Variants in ACADVL observed in about 807,000 individuals in gnomAD.
ACADVL encodes very long-chain acyl-CoA dehydrogenase, mitochondrial.
Under a neutral mutation model 80.4 loss-of-function variants are expected in ACADVL, and 73 were observed. The observed-to-expected ratio is 0.91, with a 90% CI of 0.75 to 1.10. The LOEUF (loss-of-function observed/expected upper bound fraction) is 1.10. Among genes scored for constraint, ACADVL ranks in the 50% least tolerant of loss-of-function variants. ACADVL has a pLI of 0.00. For synonymous variants in ACADVL, 392 were observed against 326.5 expected (o/e 1.20, Z -2.16); for missense variants, 878 against 858.9 (o/e 1.02, Z -0.28).
rs557260142 is a variant in ACADVL, at chr17:7,220,828, G to A, written c.340G>A (p.Glu114Lys). ...GGTGGAGCCTGTGTCCCGTTTCTTC[G>A]AGGTAAGGAATGACTCGGGGCTTGG... The part of the protein sequence containing the change: ...ELVEPVSRFF[E>K]EVNDPAKNDA... The change falls in exon 5 of 20, where the codon GAG becomes AAG. Residue 114 changes from glutamate to lysine, a missense_variant and splice_region_variant. Physicochemically the swap from Glu to Lys is moderately conservative, Grantham distance 56 (BLOSUM62 1). Transcript: ENST00000356839. 30 of 1,614,070 alleles carry A rather than the reference G, an allele frequency of 1.9e-5. No individual in the cohort carries two copies. Among genetic ancestry groups the A allele is most frequent in the African/African-American group, 2.7e-5 (2 of 75,058 alleles).
chr17:7,223,004 T>G lies in ACADVL; in HGVS notation c.1078-129T>G, dbSNP rs1173262592. On this transcript the variant is annotated intron_variant, in intron 10 of 19. Transcript: ENST00000356839. ...CAGCAGCCCGACTTGCTAGCTTAGG[T>G]CTCCATCCAGCGTAGACTGAACTCT... 47 of 1,440,210 alleles carry G rather than the reference T, an allele frequency of 3.3e-5. 1 individual carries two copies. The allele number at this position is 1,440,210 out of a possible 1,614,324, so 89.2% of individuals were successfully genotyped here.
rs2142963859 is a variant in ACADVL at position 7,220,457 on chromosome 17, T to C, written c.139-7T>C. On this transcript the variant is annotated splice_region_variant and splice_polypyrimidine_tract_variant and intron_variant, in intron 2 of 19. Transcript: ENST00000356839. ...TCCCTGAACTTGCTAACCGTCTCTT[T>C]TCCCAGCTGGCTCTGGACAAGTCAG... is the stretch of plus-strand genomic sequence containing the variant. The C allele has an allele frequency of 6.2e-7, 1 of 1,614,210 alleles. No individual in the cohort carries two copies. The highest frequency in any genetic ancestry group is 8.5e-7 in the Non-Finnish European group (1 of 1,180,028).
At chr17:7,218,485 C>T (rs1199420876), upstream of ACADVL, 8 of 1,521,946 alleles carry the variant, frequency 5.3e-6, no homozygotes, top group East Asian at 4.9e-5. Context: ...AAACAGCCCC[C>T]GAAGTTCAGT....
In ACADVL at chr17:7,221,152, C is replaced by T; in HGVS notation, c.477+94C>T. ...TAGACCTAGAGACTAGGGCTAAGGT[C>T]TCTTCTAAGCACCTGCCCTGGGTGC... On this transcript the variant is annotated intron_variant, in intron 6 of 19. Coordinates refer to ENST00000356839, the MANE Select transcript of ACADVL (RefSeq NM_000018.4). 9 of 1,591,950 alleles carry T rather than the reference C, an allele frequency of 5.7e-6. No individual in the cohort carries two copies. The South Asian group carries it at 1.0e-4, about 18-fold the overall frequency.
chr17:7,218,438 G>C, upstream of ACADVL: 1 of 1,389,150 alleles, frequency 7.2e-7, no homozygotes, highest in East Asian at 2.5e-5. Flanking sequence ...GACCCTGCAT[G>C]GTGCTCCAGC....
chr17:7,218,751 ATTTGGGGAGAAGGATC>A (rs1032854460), upstream of ACADVL: 5 of 1,590,626 alleles, frequency 3.1e-6, no homozygotes, highest in Non-Finnish European at 4.3e-6. Flanking sequence ...CTACGGAAAG[ATTTGGGGAGAAGGATC>A]TCCGAGCCCC....
chr17:7,223,154 A>T lies in ACADVL; in HGVS notation c.1099A>T (p.Thr367Ser). The change falls in exon 11 of 20, where the codon ACC (threonine) becomes TCC (serine). Residue 367 changes from threonine to serine, a missense_variant. Thr to Ser is a moderately conservative substitution (Grantham distance 58). Transcript: ENST00000356839. ...AKAVDHATNRTQFGEKIHNFG... is the reference protein window; with the variant it reads ...AKAVDHATNRSQFGEKIHNFG... ...CCAGGTAGATCATGCCACTAATCGTACCCAGTTTGGGGAGAAAATTCACAA... is the reference window on the plus strand; with the variant it reads ...CCAGGTAGATCATGCCACTAATCGTTCCCAGTTTGGGGAGAAAATTCACAA... The T allele has an allele frequency of 1.2e-6, 2 of 1,613,892 alleles. No individual in the cohort carries two copies. Among genetic ancestry groups the T allele is most frequent in the Non-Finnish European group, 1.7e-6 (2 of 1,179,820 alleles).
chr17:7,221,334 C>A, intron 6 of ACADVL: 1 of 986,554 alleles, frequency 1.0e-6, no homozygotes, highest in South Asian at 1.5e-5. Flanking sequence ...ACCCTCCTAC[C>A]TAGACCTAAG....
At chr17:7,223,396 A>AG in intron 11 of ACADVL, 159 bp downstream of exon 11, 1 of 838,034 alleles carries the variant, frequency 1.2e-6, no homozygotes. Flanking sequence ...TTCTGCGAAG[A>AG]GAGACAGCAA....
At chr17:7,217,554 A>C (rs917128842), upstream of ACADVL, 24 of 111,686 alleles carry the variant, frequency 2.1e-4, no homozygotes, top group African/African-American at 3.9e-4. Context: ...GTGGCGGGGG[A>C]GTGGGGTGGG....
At position 7,220,207 on chromosome 17, in the gene ACADVL, C is replaced by T. The variant is rs1057523013; in HGVS notation, c.138+10C>T. ...CGGGGGTGCCGCTCAGGTAAGTCAC[C>T]GCAGCCTTGGCAAGGGGGTGTGGGA... On this transcript the variant is annotated intron_variant, in intron 2 of 19. Coordinates refer to ENST00000356839, the MANE Select transcript of ACADVL (RefSeq NM_000018.4). 11 of 1,530,996 alleles carry T rather than the reference C, an allele frequency of 7.2e-6. No individual in the cohort carries two copies. Among genetic ancestry groups the T allele is most frequent in the Non-Finnish European group, 8.7e-6 (10 of 1,144,734 alleles). The allele number at this position is 1,530,996 out of a possible 1,614,324, so 94.8% of individuals were successfully genotyped here.
chr17:7,217,595 C>T (rs959213426), upstream of ACADVL: 22 of 1,347,976 alleles, frequency 1.6e-5, no homozygotes, highest in African/African-American at 3.6e-5. Flanking sequence ...CCGAGGGAGC[C>T]GTGGAGCCGA....
upstream of ACADVL, chr17:7,219,171 T>C: frequency 2.5e-6 from 1 of 402,930 alleles, no homozygotes; most frequent in Non-Finnish European, 4.4e-6. Flanking sequence ...CAATGAGAAT[T>C]GCAGAAAAAG....
At chr17:7,220,314 A>G in intron 2 of ACADVL, 117 bp downstream of exon 2, 1 of 1,512,630 alleles carries the variant, frequency 6.6e-7, no homozygotes, top group African/African-American at 1.4e-5. Flanking sequence ...AGTCGCCGAA[A>G]GTAGGGGAAA....
chr17:7,220,748 G>T lies in ACADVL; in HGVS notation c.278-18G>T, dbSNP rs779087862. 14 of 1,614,192 alleles carry T rather than the reference G, an allele frequency of 8.7e-6. No homozygotes were observed. Among genetic ancestry groups the T allele is most frequent in the Non-Finnish European group, 1.2e-5 (14 of 1,180,038 alleles). On this transcript the variant is annotated intron_variant, in intron 4 of 19. Coordinates refer to ENST00000356839, the MANE Select transcript of ACADVL (RefSeq NM_000018.4). ...CCTGCCAGCCTGGCCTGACCAGCCT[G>T]TCCCCCACCCTCTGCAGTGCTCAAC... is the stretch of plus-strand genomic sequence containing the variant.
rs796051908 is a variant in ACADVL at position 7,221,542 on chromosome 17, C to T, written c.482C>T (p.Ala161Val). The change falls in exon 7 of 20, where the codon GCC (alanine) becomes GTC (valine). Residue 161 changes from alanine to valine, a missense_variant. Ala to Val is a moderately conservative substitution (Grantham distance 64, BLOSUM62 0). Coordinates refer to ENST00000356839, the MANE Select transcript of ACADVL (RefSeq NM_000018.4). ...AGATTCCTGCTTCCCCTCCAGTACGCCCGTTTGGTGGAGATCGTGGGCATG... is the reference window on the plus strand; with the variant it reads ...AGATTCCTGCTTCCCCTCCAGTACGTCCGTTTGGTGGAGATCGTGGGCATG... ...GGVGLCNTQY[A>V]RLVEIVGMHD... is the part of the protein sequence containing the mutation. 6.2e-7 allele frequency: 1 copy of T among 1,614,158 alleles called. No homozygotes were observed. Among genetic ancestry groups the T allele is most frequent in the Non-Finnish European group, 8.5e-7 (1 of 1,180,032 alleles).
chr17:7,224,543 G>A lies in ACADVL; in HGVS notation c.1669G>A (p.Gly557Arg). The change falls in exon 17 of 20, where the codon GGG becomes AGG. Residue 557 changes from glycine (G) to arginine (R), a missense_variant. Transcript: ENST00000356839. The part of the protein sequence containing the change: ...VEAKLIKHKK[G>R]IVNEQFLLQR... ...GGCCAAGCTGATAAAACACAAGAAG[G>A]GGATTGTCAGTAAGTGAGCTCTACA... 1 of 1,601,200 alleles carries A rather than the reference G, an allele frequency of 6.2e-7. No homozygotes were observed. Among genetic ancestry groups the A allele is most frequent in the Non-Finnish European group, 8.5e-7 (1 of 1,175,314 alleles).
upstream of ACADVL, chr17:7,219,853 C>A (rs886053371): frequency 1.9e-5 from 29 of 1,538,678 alleles, no homozygotes; most frequent in Admixed American, 5.3e-4. Flanking sequence ...CAGCATGCCC[C>A]GGGGCCCGCA....
Position 7,220,458 on chromosome 17 carries a change from T to G in ACADVL, c.139-6T>G. ...CCCTGAACTTGCTAACCGTCTCTTT[T>G]CCCAGCTGGCTCTGGACAAGTCAGA... On this transcript the variant is annotated splice_region_variant and splice_polypyrimidine_tract_variant and intron_variant, in intron 2 of 19. Transcript: ENST00000356839. The G allele has an allele frequency of 6.2e-7, 1 of 1,614,212 alleles. No individual in the cohort carries two copies. The highest frequency in any genetic ancestry group is 8.5e-7 in the Non-Finnish European group (1 of 1,180,042).
Sources: allele counts gnomAD v4.1 joint callset, GRCh38; gene constraint gnomAD v4.1.1; transcripts MANE v1.5; gene names NCBI Gene and HGNC (gene_info 2026-07-23, HGNC 2026-07-21).